The following RARB variants were observed in gnomAD, a reference collection of about 807,000 sequenced individuals.
The protein encoded by RARB is HBV-activated protein.
In RARB, 17 loss-of-function variants were observed where a neutral mutation model predicts 51.9. The observed-to-expected ratio is 0.33, with a 90% CI of 0.22 to 0.49. The LOEUF (loss-of-function observed/expected upper bound fraction) is 0.49, where lower values mean the gene tolerates loss of function less well. Ranked by LOEUF, RARB falls within the 20% of genes least tolerant of loss-of-function variation. The pLI, the probability that RARB is intolerant of heterozygous loss-of-function variation, is 0.99. For missense variants in RARB, 369 were observed against 550.8 expected (o/e 0.67, Z 3.30); for synonymous variants, 215 against 195.4 (o/e 1.10, Z -0.84).
chr3:25,456,792 G>A (rs555495775), intron 1 of RARB, among the ~76,000 whole-genome samples: 1 of 149,052 alleles, frequency 6.7e-6, no homozygotes, highest in South Asian at 2.1e-4. Context: ...CGTACATAAC[G>A]TTTTTCCCTT....
At chr3:25,401,714 G>A (rs1302312179) in intron 5 of RARB, among the ~76,000 whole-genome samples, 1 of 152,166 alleles carries the variant, frequency 6.6e-6, no homozygotes, top group Non-Finnish European at 1.5e-5. Context: ...TATTCAGACG[G>A]AAGCACAAAC....
intron 2 of RARB, among the ~76,000 whole-genome samples, chr3:24,984,718 GA>G (rs1266649824): frequency 6.6e-6 from 1 of 151,792 alleles, no homozygotes; most frequent in Non-Finnish European, 1.5e-5. Context: ...TATTATACTA[GA>G]AATTTACTAA....
chr3:24,951,942 A>G (rs17015525), intron 2 of RARB, among the ~76,000 whole-genome samples: 13,142 of 152,268 alleles, frequency 0.086, 1,384 homozygotes, highest in African/African-American at 0.25. Flanking sequence ...CTCTAATTAT[A>G]GGAAACGTAA....
upstream of RARB, among the ~76,000 whole-genome samples, chr3:25,427,303 AC>A (rs1343813819): frequency 1.3e-5 from 2 of 152,084 alleles, no homozygotes; most frequent in African/African-American, 4.8e-5. Context: ...CATGATATTT[AC>A]CCAGCACCAT....
At chr3:24,888,872 C>T (rs1703317319) in intron 2 of RARB, among the ~76,000 whole-genome samples, 1 of 152,160 alleles carries the variant, frequency 6.6e-6, no homozygotes. Context: ...TTGCCTCAGG[C>T]CTCTGCTTCA....
chr3:25,082,696 C>G (rs958839952), intron 3 of RARB, among the ~76,000 whole-genome samples: 6 of 152,124 alleles, frequency 3.9e-5, no homozygotes, highest in Admixed American at 3.9e-4. Flanking sequence ...AAAAATATTG[C>G]TTATGATTAC....
chr3:24,943,498 G>A (rs1397300014), intron 2 of RARB, among the ~76,000 whole-genome samples: 3 of 152,142 alleles, frequency 2.0e-5, no homozygotes, highest in African/African-American at 7.2e-5. Flanking sequence ...TTATATAAAT[G>A]AGACTTGGTA....
intron 5 of RARB, among the ~76,000 whole-genome samples, chr3:25,221,748 G>C (rs187374859): frequency 6.6e-6 from 1 of 151,874 alleles, no homozygotes; most frequent in Non-Finnish European, 1.5e-5. Flanking sequence ...TCTCAAACCC[G>C]CATCTTTCAG....
intron 5 of RARB, among the ~76,000 whole-genome samples, chr3:25,370,806 T>C (rs1243194410): frequency 6.6e-6 from 1 of 152,146 alleles, no homozygotes; most frequent in Non-Finnish European, 1.5e-5. Flanking sequence ...CAACAGAAAT[T>C]TATGTTCTAA....
At chr3:25,403,471 G>C (rs1256566474) in intron 5 of RARB, among the ~76,000 whole-genome samples, 1 of 152,096 alleles carries the variant, frequency 6.6e-6, no homozygotes, top group African/African-American at 2.4e-5. Context: ...GTAAGGCCAT[G>C]TGAAGCCACT....
intron 2 of RARB, among the ~76,000 whole-genome samples, chr3:25,018,404 A>G (rs1487129790): frequency 6.6e-6 from 1 of 152,208 alleles, no homozygotes; most frequent in African/African-American, 2.4e-5. Flanking sequence ...GGCTGGAATC[A>G]AATATGGCAA....
chr3:25,456,682 T>TATATATATATAGAGAG (rs1491372969), intron 1 of RARB, among the ~76,000 whole-genome samples: 1 of 88,394 alleles, frequency 1.1e-5, no homozygotes, highest in African/African-American at 4.6e-5. Context: ...TATATATATA[T>TATATATATATAGAGAG]AGAGAGAGAG....
At chr3:24,849,339 G>C (rs1273121745) in intron 1 of RARB, among the ~76,000 whole-genome samples, 4 of 152,214 alleles carry the variant, frequency 2.6e-5, no homozygotes, top group African/African-American at 7.2e-5. Flanking sequence ...TATATGCCGC[G>C]TGTGTTCATG....
intron 5 of RARB, among the ~76,000 whole-genome samples, chr3:25,212,566 T>G (rs945783797): frequency 6.6e-6 from 1 of 152,184 alleles, no homozygotes; most frequent in Admixed American, 6.5e-5. Context: ...TGCAGTGAGC[T>G]GAGATCGCAC....
chr3:25,124,473 T>C (rs566431484), intron 3 of RARB, among the ~76,000 whole-genome samples: 29 of 152,338 alleles, frequency 1.9e-4, no homozygotes, highest in Middle Eastern at 6.8e-3. Flanking sequence ...ACCATGTTAA[T>C]AGGTATTTGA....
At chr3:24,935,960 T>C (rs552559544) in intron 2 of RARB, among the ~76,000 whole-genome samples, 176 of 152,278 alleles carry the variant, frequency 1.2e-3, no homozygotes, top group African/African-American at 4.0e-3. Flanking sequence ...TTTCATGATA[T>C]GTTAGGAAAA....
chr3:24,897,206 C>T lies in RARB; in HGVS notation c.-380+38454C>T, dbSNP rs553191394. Reference sequence around the variant, plus strand: ...GGCTGTATCTATCATTTCATAATTTCTAACCTTAGGCGTAGCTGTTTAACT... The same window carrying T: ...GGCTGTATCTATCATTTCATAATTTTTAACCTTAGGCGTAGCTGTTTAACT... On this transcript the variant is annotated intron_variant, in intron 2 of 11. Transcript: ENST00000383772. Among the ~76,000 whole-genome samples the T allele has an allele frequency of 2.6e-5, 4 of 152,308 alleles. No individual in the cohort carries two copies. In the South Asian group the frequency reaches 8.3e-4, roughly 32 times the overall value.
At chr3:25,307,389 A>C (rs1704178654) in intron 5 of RARB, among the ~76,000 whole-genome samples, 2 of 151,576 alleles carry the variant, frequency 1.3e-5, no homozygotes, top group Admixed American at 1.3e-4. Context: ...TCTGTCTCAA[A>C]AAAAAAAAAA....
At chr3:25,276,580 A>G (rs939549562) in intron 5 of RARB, among the ~76,000 whole-genome samples, 3 of 152,254 alleles carry the variant, frequency 2.0e-5, no homozygotes, top group Admixed American at 6.5e-5. Flanking sequence ...TTCTCAGACC[A>G]TCAACTGTGA....
Sources: gnomAD v4.1 joint callset for allele counts (sites outside exome capture counted in the v4.1 genomes callset) on GRCh38, gnomAD v4.1.1 for gene constraint, MANE v1.5 for transcripts, NCBI Gene and HGNC (gene_info 2026-07-23, HGNC 2026-07-21) for gene names.